The following STARD13 variants were observed in gnomAD, a reference collection of about 807,000 sequenced individuals.
STARD13 encodes StAR related lipid transfer domain containing 13.
STARD13 carries 62 observed loss-of-function variants against 106.4 expected under a neutral mutation model. That is an observed-to-expected ratio of 0.58 (90% confidence interval 0.48 to 0.72). STARD13 has a LOEUF of 0.72. Ranked by LOEUF, STARD13 falls within the 30% of genes least tolerant of loss-of-function variation. The pLI, the probability that STARD13 is intolerant of heterozygous loss-of-function variation, is 0.00. For missense variants in STARD13, 1,387 were observed against 1,424.0 expected (o/e 0.97, Z 0.42); for synonymous variants, 565 against 553.0 (o/e 1.02, Z -0.31).
chr13:33,173,169 AT>A (rs1566047932), intron 1 of STARD13, among the ~76,000 whole-genome samples: 1 of 152,230 alleles, frequency 6.6e-6, no homozygotes, highest in Non-Finnish European at 1.5e-5. Context: ...AGGTGTTAAC[AT>A]TTCAACGGGC....
At chr13:33,214,729 CACACA>C in intron 1 of STARD13, among the ~76,000 whole-genome samples, 1 of 151,350 alleles carries the variant, frequency 6.6e-6, no homozygotes. Context: ...CACACACACA[CACACA>C]CACATCCCCT....
chr13:33,237,392 A>G (rs1249632739), intron 1 of STARD13, among the ~76,000 whole-genome samples: 1 of 152,246 alleles, frequency 6.6e-6, no homozygotes, highest in Non-Finnish European at 1.5e-5. Context: ...GCATTGTGTT[A>G]GTGCTGCAGG....
chr13:33,249,057 T>C (rs1839547900), intron 1 of STARD13, among the ~76,000 whole-genome samples: 1 of 152,222 alleles, frequency 6.6e-6, no homozygotes, highest in African/African-American at 2.4e-5. Context: ...AAGGCAGCCA[T>C]TGCAAATGTG....
chr13:33,141,277 T>C (rs1023915371), intron 4 of STARD13, among the ~76,000 whole-genome samples: 3 of 152,230 alleles, frequency 2.0e-5, no homozygotes, highest in Non-Finnish European at 4.4e-5. Flanking sequence ...GTAGAAACCC[T>C]GCTCCGCCGC....
the STARD13 span, among the ~76,000 whole-genome samples, chr13:33,651,587 CT>C: frequency 6.7e-6 from 1 of 150,116 alleles, no homozygotes; most frequent in East Asian, 2.0e-4. Context: ...GAGAAAGTGT[CT>C]TTTTAATCTC....
At chr13:33,444,938 G>T in the STARD13 span, among the ~76,000 whole-genome samples, 2 of 152,280 alleles carry the variant, frequency 1.3e-5, no homozygotes, top group Admixed American at 1.3e-4. Context: ...TTATGATAAG[G>T]CTGGATATAA....
intron 3 of STARD13, chr13:33,164,396 C>T (rs1883089346): frequency 1.3e-5 from 2 of 152,138 alleles, no homozygotes; most frequent in Admixed American, 1.3e-4. Flanking sequence ...AAACTACTAC[C>T]TTATTTATGT....
the STARD13 span, among the ~76,000 whole-genome samples, chr13:33,434,774 C>T: frequency 1.3e-4 from 20 of 152,004 alleles, no homozygotes; most frequent in East Asian, 3.9e-3. Flanking sequence ...ATTTAGTCAG[C>T]AAATGTTTTT....
intron 7 of STARD13, 41 bp downstream of exon 7, chr13:33,126,040 T>G: frequency 1.9e-6 from 3 of 1,602,668 alleles, no homozygotes; most frequent in East Asian, 2.2e-5. Context: ...AATCCCATGG[T>G]TGGGGGTGGT....
intron 1 of STARD13, among the ~76,000 whole-genome samples, chr13:33,178,019 G>GA (rs1314668176): frequency 1.4e-5 from 1 of 72,554 alleles, no homozygotes; most frequent in African/African-American, 5.7e-5. Flanking sequence ...GGAAAGGAAG[G>GA]AAGGAAGGAA....
chr13:33,464,024 C>CACAT, the STARD13 span, among the ~76,000 whole-genome samples: 2 of 112,540 alleles, frequency 1.8e-5, no homozygotes, highest in Non-Finnish European at 4.0e-5. Flanking sequence ...AAAAAAAATA[C>CACAT]ATATATATAT....
chr13:33,379,476 C>A, the STARD13 span, among the ~76,000 whole-genome samples: 4 of 152,134 alleles, frequency 2.6e-5, no homozygotes, highest in Admixed American at 2.6e-4. Flanking sequence ...ATTGACATGA[C>A]CCCATCTCTG....
chr13:33,157,383 G>A (rs1303558505), intron 3 of STARD13, among the ~76,000 whole-genome samples: 1 of 152,168 alleles, frequency 6.6e-6, no homozygotes. Flanking sequence ...GAAATTCAGA[G>A]ATGGCCAGGC....
chr13:33,213,840 T>G (rs1887870422), intron 1 of STARD13, among the ~76,000 whole-genome samples: 1 of 152,262 alleles, frequency 6.6e-6, no homozygotes, highest in Non-Finnish European at 1.5e-5. Flanking sequence ...TCTTTAATCC[T>G]GGGCAGAGAA....
intron 1 of STARD13, among the ~76,000 whole-genome samples, chr13:33,314,981 A>T (rs571133003): frequency 3.9e-5 from 6 of 152,174 alleles, no homozygotes; most frequent in East Asian, 1.9e-4. Context: ...CACTTTTTTT[A>T]AAAAAAAGTT....
chr13:33,479,151 A>G, the STARD13 span, among the ~76,000 whole-genome samples: 2 of 152,356 alleles, frequency 1.3e-5, no homozygotes, highest in Admixed American at 1.3e-4. Flanking sequence ...CGTCTTGCTC[A>G]TAAGATAAAT....
chr13:33,109,792 G>A lies in STARD13; in HGVS notation c.3047+81C>T, dbSNP rs1239859355. 5.9e-6 allele frequency: 8 copies of A among 1,345,144 alleles called. No homozygotes were observed. In the African/African-American group the frequency reaches 1.2e-4, roughly 19 times the overall value. 83.3% of individuals were successfully genotyped at this position (1,345,144 alleles called of 1,614,324 possible). On this transcript the variant is annotated intron_variant, in intron 12 of 13. Coordinates refer to ENST00000336934, the MANE Select transcript of STARD13 (RefSeq NM_178006.4). ...CCGTGGAGGCTGGACTTTGGTGGGA[G>A]ACACCAGGAGAAGTGCTCACATCTA...
intron 1 of STARD13, among the ~76,000 whole-genome samples, chr13:33,279,089 G>C (rs1891615685): frequency 6.6e-6 from 1 of 152,136 alleles, no homozygotes; most frequent in Admixed American, 6.6e-5. Flanking sequence ...AAGTCTTCTT[G>C]ATTGCCTCAC....
intron 1 of STARD13, among the ~76,000 whole-genome samples, chr13:33,202,181 T>G (rs1217823361): frequency 6.6e-6 from 1 of 152,142 alleles, no homozygotes; most frequent in Non-Finnish European, 1.5e-5. Context: ...TAGAGACAGA[T>G]GGATGATAGT....
Sources: gnomAD v4.1 joint callset for allele counts (sites outside exome capture counted in the v4.1 genomes callset) on GRCh38, gnomAD v4.1.1 for gene constraint, MANE v1.5 for transcripts, NCBI Gene and HGNC (gene_info 2026-07-23, HGNC 2026-07-21) for gene names.